The following FSTL5 variants were observed in gnomAD, a reference collection of about 807,000 sequenced individuals.
FSTL5 encodes follistatin like 5.
A neutral mutation model predicts 89.1 loss-of-function variants in FSTL5; 62 were observed. The ratio of observed to expected loss-of-function variants is 0.70; its 90% CI spans 0.57 to 0.86. The LOEUF (loss-of-function observed/expected upper bound fraction) is 0.86, where lower values mean the gene tolerates loss of function less well. Among genes scored for constraint, FSTL5 ranks in the 40% least tolerant of loss-of-function variants. FSTL5 has a pLI of 0.00. For synonymous variants in FSTL5, 383 were observed against 346.2 expected, an observed-to-expected ratio of 1.11 and a Z score of -1.18; for missense variants, 1,057 against 1,001.6, an observed-to-expected ratio of 1.06 and a Z score of -0.75.
Position 161,593,408 on chromosome 4 carries a change from G to A in FSTL5, c.895-5833C>T, listed in dbSNP as rs766486707. ...CTTCCCTCAAACTGATACCCACTACGGATTTATTGAAAACAAGAACACGAT... is the reference window on the plus strand; with the variant it reads ...CTTCCCTCAAACTGATACCCACTACAGATTTATTGAAAACAAGAACACGAT... On this transcript the variant is annotated intron_variant, in intron 7 of 15. Transcript: ENST00000306100. Among the ~76,000 whole-genome samples the A allele has an allele frequency of 7.9e-5, 12 of 151,924 alleles. No homozygotes were observed. In the South Asian group the frequency reaches 2.3e-3, roughly 29 times the overall value.
intron 4 of FSTL5, among the ~76,000 whole-genome samples, chr4:161,902,765 C>A (rs554989676): frequency 6.6e-6 from 1 of 152,054 alleles, no homozygotes. Context: ...AGGAGAATGG[C>A]GTGAACCCGG....
intron 4 of FSTL5, among the ~76,000 whole-genome samples, chr4:161,870,375 G>GA (rs2126899149): frequency 6.6e-6 from 1 of 151,168 alleles, no homozygotes; most frequent in East Asian, 2.0e-4. Flanking sequence ...CACACACAAA[G>GA]AGAGAGCGAG....
At chr4:161,766,902 A>C (rs1579077117) in intron 5 of FSTL5, among the ~76,000 whole-genome samples, 1 of 109,470 alleles carries the variant, frequency 9.1e-6, no homozygotes, top group African/African-American at 4.1e-5. Context: ...AATAGATGAT[A>C]GATCGATTGA....
intron 4 of FSTL5, among the ~76,000 whole-genome samples, chr4:161,878,681 T>C (rs1732526643): frequency 6.6e-6 from 1 of 152,116 alleles, no homozygotes; most frequent in South Asian, 2.1e-4. Context: ...TAAAATAGAA[T>C]ATCCCTAGTA....
At chr4:161,971,409 C>T (rs1735479648) in intron 3 of FSTL5, among the ~76,000 whole-genome samples, 1 of 152,172 alleles carries the variant, frequency 6.6e-6, no homozygotes, top group South Asian at 2.1e-4. Context: ...TCATTTAATT[C>T]TAGACTAATA....
chr4:161,918,760 T>G (rs1733908303), intron 4 of FSTL5, among the ~76,000 whole-genome samples: 1 of 151,978 alleles, frequency 6.6e-6, no homozygotes, highest in African/African-American at 2.4e-5. Flanking sequence ...TTCTCCCACC[T>G]CAGCCTCCCG....
chr4:161,597,830 G>C (rs1181096459), intron 7 of FSTL5, among the ~76,000 whole-genome samples: 1 of 151,942 alleles, frequency 6.6e-6, no homozygotes. Context: ...GTGTGGAGAA[G>C]GTAAAGGAAA....
intron 3 of FSTL5, among the ~76,000 whole-genome samples, chr4:161,938,531 A>G (rs1734493891): frequency 6.6e-6 from 1 of 152,094 alleles, no homozygotes; most frequent in Non-Finnish European, 1.5e-5. Context: ...TATTACGCAA[A>G]AAATATGTCA....
chr4:162,106,388 A>C (rs1383906593), intron 2 of FSTL5, among the ~76,000 whole-genome samples: 1 of 152,180 alleles, frequency 6.6e-6, no homozygotes, highest in Non-Finnish European at 1.5e-5. Flanking sequence ...CTTTGATTAT[A>C]ATCATCAGCA....
At chr4:162,048,154 C>A (rs1738257692) in intron 2 of FSTL5, among the ~76,000 whole-genome samples, 1 of 151,952 alleles carries the variant, frequency 6.6e-6, no homozygotes, top group Admixed American at 6.6e-5. Context: ...TGGTGAAAAC[C>A]CATCTCTACT....
At chr4:161,415,753 A>G (rs1160709569) in intron 15 of FSTL5, among the ~76,000 whole-genome samples, 2 of 106,866 alleles carry the variant, frequency 1.9e-5, no homozygotes, top group Non-Finnish European at 4.1e-5. Flanking sequence ...ATATATACAC[A>G]TATATATCAT....
At chr4:162,047,581 A>C (rs1414006996) in intron 2 of FSTL5, 2 of 152,082 alleles carry the variant, frequency 1.3e-5, no homozygotes, top group Non-Finnish European at 2.9e-5. Context: ...TGTAATCCCA[A>C]CACTTTGGGA....
chr4:161,880,288 T>A (rs996325322), intron 4 of FSTL5, among the ~76,000 whole-genome samples: 11 of 152,038 alleles, frequency 7.2e-5, no homozygotes, highest in Admixed American at 7.2e-4. Flanking sequence ...AGAAAATTAA[T>A]ATTAATATTA....
In FSTL5 at chr4:161,711,990, C is replaced by T. The variant is rs966165318; in HGVS notation, c.727+47421G>A. ...GGAATTTCCTAAACCTGACAAAGGT[C>T]GTCTATGAACAACCAACAGCTAGCA... On this transcript the variant is annotated intron_variant, in intron 6 of 15. Transcript: ENST00000306100. Among the ~76,000 whole-genome samples, 7 of 152,124 alleles carry T rather than the reference C, an allele frequency of 4.6e-5. No homozygotes were observed. The East Asian group carries it at 7.7e-4, about 17-fold the overall frequency.
At chr4:162,082,531 CT>C (rs5863515) in intron 2 of FSTL5, among the ~76,000 whole-genome samples, 118,725 of 144,656 alleles carry the variant, frequency 0.82, 48,832 homozygotes, top group Middle Eastern at 0.93. Flanking sequence ...TAAACAAATT[CT>C]TTTTTTTTTT....
intron 3 of FSTL5, among the ~76,000 whole-genome samples, chr4:162,012,258 G>GA (rs946016656): frequency 1.3e-5 from 2 of 152,060 alleles, no homozygotes; most frequent in African/African-American, 4.8e-5. Context: ...TGAGGACAAG[G>GA]AAAAAATATA....
At chr4:161,661,193 A>G (rs1030720902) in intron 6 of FSTL5, among the ~76,000 whole-genome samples, 3 of 152,188 alleles carry the variant, frequency 2.0e-5, no homozygotes, top group African/African-American at 7.2e-5. Context: ...ATCTTTTAAA[A>G]TCATAAGAAG....
At chr4:161,648,939 C>T (rs942693458) in intron 7 of FSTL5, among the ~76,000 whole-genome samples, 8 of 152,094 alleles carry the variant, frequency 5.3e-5, no homozygotes, top group East Asian at 3.9e-4. Context: ...ACATGTTCTT[C>T]GGGCAATGGT....
intron 3 of FSTL5, among the ~76,000 whole-genome samples, chr4:161,992,495 A>C (rs1392809860): frequency 1.3e-5 from 2 of 152,028 alleles, no homozygotes; most frequent in African/African-American, 4.8e-5. Context: ...GAAGGGAAAG[A>C]CAGGGGGAGG....
Sources: gnomAD v4.1 joint callset for allele counts (sites outside exome capture counted in the v4.1 genomes callset) on GRCh38, gnomAD v4.1.1 for gene constraint, MANE v1.5 for transcripts, NCBI Gene and HGNC (gene_info 2026-07-23, HGNC 2026-07-21) for gene names.